Variants in SEMA3A observed in about 807,000 individuals in gnomAD.
SEMA3A encodes the protein semaphorin-3A.
In SEMA3A, 29 loss-of-function variants were observed where a neutral mutation model predicts 97.9. The observed-to-expected ratio is 0.30, with a 90% CI of 0.22 to 0.40. SEMA3A has a LOEUF of 0.40. Among genes scored for constraint, SEMA3A ranks in the 10% least tolerant of loss-of-function variants. SEMA3A has a pLI of 1.00. For synonymous variants in SEMA3A, 321 were observed against 323.7 expected, an observed-to-expected ratio of 0.99 and a Z score of 0.09; for missense variants, 763 against 951.3, an observed-to-expected ratio of 0.80 and a Z score of 2.60.
chr7:84,273,051 T>A (rs2115710180), intron 3 of SEMA3A, among the ~76,000 whole-genome samples: 1 of 152,226 alleles, frequency 6.6e-6, no homozygotes. Context: ...CTCAGGAATG[T>A]TTCAATATTA....
At chr7:84,224,696 T>C (rs1423659978) in intron 3 of SEMA3A, among the ~76,000 whole-genome samples, 1 of 152,082 alleles carries the variant, frequency 6.6e-6, no homozygotes, top group Non-Finnish European at 1.5e-5. Context: ...GTGCCACTAA[T>C]GAAATAAATA....
intron 2 of SEMA3A, among the ~76,000 whole-genome samples, chr7:84,323,574 A>G (rs1801703906): frequency 6.6e-6 from 1 of 152,158 alleles, no homozygotes; most frequent in Non-Finnish European, 1.5e-5. Context: ...TTTTGAGTGG[A>G]AACATAGGGA....
At chr7:84,323,711 C>T (rs953362295) in intron 2 of SEMA3A, among the ~76,000 whole-genome samples, 1 of 152,072 alleles carries the variant, frequency 6.6e-6, no homozygotes, top group African/African-American at 2.4e-5. Context: ...TGTCATAAAT[C>T]ATATGGACAG....
upstream of SEMA3A, among the ~76,000 whole-genome samples, chr7:84,197,573 A>G (rs1798260285): frequency 6.6e-6 from 1 of 151,954 alleles, no homozygotes; most frequent in Admixed American, 6.6e-5. Context: ...TTTTTTCTTA[A>G]TATCCCCAAA....
At chr7:84,462,816 T>C (rs1001947287) in intron 1 of SEMA3A, among the ~76,000 whole-genome samples, 5 of 150,724 alleles carry the variant, frequency 3.3e-5, no homozygotes, top group Admixed American at 6.6e-5. Flanking sequence ...TATAGATAGA[T>C]AGACAGACAG....
intron 6 of SEMA3A, among the ~76,000 whole-genome samples, chr7:84,029,806 CATAT>C (rs200455553): frequency 0.067 from 5,801 of 86,402 alleles, 334 homozygotes; most frequent in African/African-American, 0.22. Context: ...ACATCCCTTC[CATAT>C]ACACACACAC....
At chr7:84,197,765 A>G (rs1798267236), upstream of SEMA3A, among the ~76,000 whole-genome samples, 1 of 107,018 alleles carries the variant, frequency 9.3e-6, no homozygotes, top group East Asian at 3.0e-4. Context: ...TTTGAGACGG[A>G]GTCTCGCTCC....
intron 1 of SEMA3A, among the ~76,000 whole-genome samples, chr7:84,463,349 G>C (rs535521644): frequency 2.1e-4 from 31 of 145,278 alleles, no homozygotes; most frequent in South Asian, 6.5e-4. Flanking sequence ...CCCGGGTTCA[G>C]GCCATTCTCC....
intron 1 of SEMA3A, among the ~76,000 whole-genome samples, chr7:84,143,943 TC>T (rs1562810100): frequency 1.6e-4 from 20 of 126,836 alleles, no homozygotes; most frequent in Non-Finnish European, 2.6e-4. Flanking sequence ...TCTCTCTCTC[TC>T]TCTCTAACAC....
chr7:84,446,135 C>G (rs184387046), intron 1 of SEMA3A, among the ~76,000 whole-genome samples: 141 of 152,196 alleles, frequency 9.3e-4, no homozygotes, highest in South Asian at 1.7e-3. Context: ...AAACAAATAT[C>G]TAACAAGACT....
chr7:84,044,012 T>C (rs1199112889), intron 6 of SEMA3A, among the ~76,000 whole-genome samples: 1 of 152,066 alleles, frequency 6.6e-6, no homozygotes, highest in Non-Finnish European at 1.5e-5. Context: ...CTTTATGTTA[T>C]TCCATCTTCT....
chr7:84,470,090 TC>T (rs1455433428), intron 1 of SEMA3A, among the ~76,000 whole-genome samples: 1 of 151,864 alleles, frequency 6.6e-6, no homozygotes, highest in Non-Finnish European at 1.5e-5. Flanking sequence ...GAATATGTAT[TC>T]ACCAATTACT....
At chr7:84,062,471 C>A (rs911094222) in intron 4 of SEMA3A, among the ~76,000 whole-genome samples, 18 of 152,198 alleles carry the variant, frequency 1.2e-4, no homozygotes, top group African/African-American at 4.3e-4. Flanking sequence ...GTGAGCGACG[C>A]AGAAGATGGT....
chr7:84,283,788 A>T (rs1800513925), intron 3 of SEMA3A, among the ~76,000 whole-genome samples: 1 of 152,184 alleles, frequency 6.6e-6, no homozygotes, highest in South Asian at 2.1e-4. Flanking sequence ...TTAATTTTGC[A>T]TATGGAAACA....
chr7:84,238,203 A>T (rs538565983), intron 3 of SEMA3A, among the ~76,000 whole-genome samples: 114 of 152,158 alleles, frequency 7.5e-4, no homozygotes, highest in African/African-American at 2.7e-3. Context: ...AGTATCTGGG[A>T]TTACAGGTGC....
In SEMA3A at chr7:84,395,766, G is replaced by A. The variant is rs138259107; in HGVS notation, c.-245-23866C>T. On this transcript the variant is annotated intron_variant, in intron 1 of 3. Transcript: ENST00000424555. Reference sequence around the variant, plus strand: ...TTTCTTCCCTTTCACCTTCTGCCATGATTGTAAGTTTCCTGAGGCCTTCTC... The same window carrying A: ...TTTCTTCCCTTTCACCTTCTGCCATAATTGTAAGTTTCCTGAGGCCTTCTC... Among the ~76,000 whole-genome samples the A allele has an allele frequency of 7.7e-3, 1,167 of 152,206 alleles. 12 individuals carry two copies. The highest frequency in any genetic ancestry group is 0.012 in the Non-Finnish European group (792 of 67,982).
chr7:84,000,486 T>G (rs2116382553), intron 12 of SEMA3A, among the ~76,000 whole-genome samples: 1 of 152,278 alleles, frequency 6.6e-6, no homozygotes, highest in African/African-American at 2.4e-5. Context: ...TAAACTAAAA[T>G]AATAAAATTA....
intron 1 of SEMA3A, among the ~76,000 whole-genome samples, chr7:84,171,731 T>A (rs1797387164): frequency 6.6e-6 from 1 of 152,138 alleles, no homozygotes; most frequent in African/African-American, 2.4e-5. Context: ...ATTACAATTC[T>A]CATACTTGAA....
At chr7:84,161,357 T>C (rs1797028646) in intron 1 of SEMA3A, among the ~76,000 whole-genome samples, 1 of 151,486 alleles carries the variant, frequency 6.6e-6, no homozygotes, top group Non-Finnish European at 1.5e-5. Context: ...AGAGCAAAAT[T>C]CCATCTCAAA....
Sources: gnomAD v4.1 joint callset for allele counts (sites outside exome capture counted in the v4.1 genomes callset) on GRCh38, gnomAD v4.1.1 for gene constraint, MANE v1.5 for transcripts, NCBI Gene and HGNC (gene_info 2026-07-23, HGNC 2026-07-21) for gene names.